Variants in LAMA2 observed in about 807,000 individuals in gnomAD.
LAMA2 encodes the protein laminin subunit alpha-2.
Under a neutral mutation model 364.8 loss-of-function variants are expected in LAMA2, and 269 were observed. That is an observed-to-expected ratio of 0.74 (90% CI 0.67 to 0.82). The LOEUF (loss-of-function observed/expected upper bound fraction) is 0.82, where lower values mean the gene tolerates loss of function less well. Ranked by LOEUF, LAMA2 falls within the 40% of genes least tolerant of loss-of-function variation. The pLI, the probability that LAMA2 is intolerant of heterozygous loss-of-function variation, is 0.00. For synonymous variants in LAMA2, 1,379 were observed against 1,370.6 expected, an observed-to-expected ratio of 1.01 and a Z score of -0.14; for missense variants, 3,807 against 3,873.2, an observed-to-expected ratio of 0.98 and a Z score of 0.45.
chr6:128,971,026 G>C (rs1292267260), intron 1 of LAMA2, among the ~76,000 whole-genome samples: 2 of 152,138 alleles, frequency 1.3e-5, no homozygotes, highest in Non-Finnish European at 2.9e-5. Context: ...CTCTTTTCCT[G>C]CTCCATGCCA....
chr6:128,929,893 G>A, intron 1 of LAMA2: 4 of 877,282 alleles, frequency 4.6e-6, no homozygotes, highest in Non-Finnish European at 5.7e-6. Flanking sequence ...ACAGCTGAGT[G>A]TATGGGATGT....
intron 2 of LAMA2, among the ~76,000 whole-genome samples, chr6:129,058,430 A>T (rs995507117): frequency 3.5e-5 from 5 of 142,968 alleles, no homozygotes; most frequent in Middle Eastern, 3.3e-3. Flanking sequence ...TCTATCTCTA[A>T]TCTCCCTTTT....
intron 1 of LAMA2, among the ~76,000 whole-genome samples, chr6:128,962,181 T>TACAC (rs1251433348): frequency 5.1e-5 from 6 of 118,544 alleles, no homozygotes; most frequent in African/African-American, 2.3e-4. Context: ...TATATATATA[T>TACAC]ATATACACAC....
intron 3 of LAMA2, among the ~76,000 whole-genome samples, chr6:129,069,809 G>A (rs996793090): frequency 6.8e-6 from 1 of 147,574 alleles, no homozygotes; most frequent in African/African-American, 2.5e-5. Flanking sequence ...TAATAAAAAT[G>A]TGATAAATAA....
intron 58 of LAMA2, among the ~76,000 whole-genome samples, chr6:129,500,805 C>T (rs1785571336): frequency 6.6e-6 from 1 of 152,050 alleles, no homozygotes; most frequent in African/African-American, 2.4e-5. Flanking sequence ...CAGCTGCTAC[C>T]GGGAGTGTAC....
intron 1 of LAMA2, among the ~76,000 whole-genome samples, chr6:128,896,035 A>G (rs10499143): frequency 0.025 from 3,789 of 151,828 alleles, 57 homozygotes; most frequent in Middle Eastern, 0.045. Flanking sequence ...CAAATTTTTC[A>G]CTCTTCAAGG....
At chr6:129,050,950 T>A (rs571341134) in intron 2 of LAMA2, among the ~76,000 whole-genome samples, 97 of 152,208 alleles carry the variant, frequency 6.4e-4, no homozygotes, top group African/African-American at 2.3e-3. Flanking sequence ...TAGCAAAGCA[T>A]TGTATTGGAG....
rs2784891 is a variant in LAMA2 at position 129,454,827 on chromosome 6, G to T, written c.6707+539G>T. Among the ~76,000 whole-genome samples the T allele has an allele frequency of 3.4e-3, 522 of 152,160 alleles. 3 individuals are homozygous for T. The highest frequency in any genetic ancestry group is 3.9e-3 in the Non-Finnish European group (266 of 68,012). On this transcript the variant is annotated intron_variant, in intron 47 of 64. Coordinates refer to ENST00000421865, the MANE Select transcript of LAMA2 (RefSeq NM_000426.4). ...AATTATCAACATCTAGTACCATATA[G>T]ATTACTTATAGAACTATCCCTGTCT...
In LAMA2 at chr6:129,186,157, A is replaced by C. The variant is rs114951535; in HGVS notation, c.1468-4048A>C. Among the ~76,000 whole-genome samples, 993 of 151,926 alleles carry C rather than the reference A, an allele frequency of 6.5e-3. 8 individuals are homozygous for C. The highest frequency in any genetic ancestry group is 0.023 in the African/African-American group (954 of 41,540). ...TAGATTAACAGTTAAAACAACTTTAAAAATTTTTATTAAATTATGTTTTTG... is the reference window on the plus strand; with the variant it reads ...TAGATTAACAGTTAAAACAACTTTACAAATTTTTATTAAATTATGTTTTTG... On this transcript the variant is annotated intron_variant, in intron 10 of 64. Coordinates refer to ENST00000421865, the MANE Select transcript of LAMA2 (RefSeq NM_000426.4).
At chr6:129,228,476 A>T (rs1212700510) in intron 12 of LAMA2, among the ~76,000 whole-genome samples, 1 of 152,136 alleles carries the variant, frequency 6.6e-6, no homozygotes, top group African/African-American at 2.4e-5. Flanking sequence ...CTGGTTTCTA[A>T]AAAAGATTGT....
intron 9 of LAMA2, among the ~76,000 whole-genome samples, chr6:129,172,615 G>C (rs1187080309): frequency 1.3e-5 from 2 of 152,216 alleles, no homozygotes; most frequent in Non-Finnish European, 2.9e-5. Context: ...AGAGGTTACT[G>C]CTGTCTTTTT....
chr6:128,903,932 A>C (rs902413198), intron 1 of LAMA2, among the ~76,000 whole-genome samples: 2 of 152,156 alleles, frequency 1.3e-5, no homozygotes, highest in African/African-American at 2.4e-5. Flanking sequence ...CAGAGCTCAG[A>C]AGTAGGCATC....
At chr6:129,026,436 A>C (rs1042736036) in intron 1 of LAMA2, among the ~76,000 whole-genome samples, 3 of 152,184 alleles carry the variant, frequency 2.0e-5, no homozygotes, top group Non-Finnish European at 4.4e-5. Flanking sequence ...CTGCAAAAAA[A>C]TGAATGCAGT....
intron 4 of LAMA2, among the ~76,000 whole-genome samples, chr6:129,141,296 T>C (rs1053236676): frequency 3.3e-5 from 5 of 152,022 alleles, no homozygotes; most frequent in African/African-American, 1.2e-4. Flanking sequence ...AAGCCAAAAA[T>C]ATAACTCAAT....
intron 10 of LAMA2, among the ~76,000 whole-genome samples, chr6:129,187,283 T>C (rs1388334958): frequency 6.6e-6 from 1 of 151,724 alleles, no homozygotes; most frequent in Non-Finnish European, 1.5e-5. Context: ...GTCAAGATCA[T>C]ATATATTAAC....
chr6:129,509,095 G>A (rs1040694433), intron 62 of LAMA2, among the ~76,000 whole-genome samples: 2 of 152,162 alleles, frequency 1.3e-5, no homozygotes, highest in African/African-American at 4.8e-5. Context: ...GCATTTCTCT[G>A]ATGATCAGTG....
intron 12 of LAMA2, among the ~76,000 whole-genome samples, chr6:129,222,145 A>G (rs1322905783): frequency 6.6e-6 from 1 of 152,208 alleles, no homozygotes; most frequent in Non-Finnish European, 1.5e-5. Context: ...TGGGTTGGGT[A>G]GTTGGCTTTT....
chr6:129,029,242 C>T (rs1004012440), intron 1 of LAMA2, among the ~76,000 whole-genome samples: 4 of 151,748 alleles, frequency 2.6e-5, no homozygotes, highest in Non-Finnish European at 5.9e-5. Flanking sequence ...GCTTGTGATA[C>T]CATAGTGATC....
At chr6:129,413,701 C>T (rs982439081) in intron 40 of LAMA2, among the ~76,000 whole-genome samples, 2 of 151,952 alleles carry the variant, frequency 1.3e-5, no homozygotes, top group Non-Finnish European at 1.5e-5. Flanking sequence ...TTTAAATTTA[C>T]GAAGTATTTA....
Sources: gnomAD v4.1 joint callset for allele counts (sites outside exome capture counted in the v4.1 genomes callset) on GRCh38, gnomAD v4.1.1 for gene constraint, MANE v1.5 for transcripts, NCBI Gene and HGNC (gene_info 2026-07-23, HGNC 2026-07-21) for gene names.